MRC2: variants seen among roughly 807,000 people sequenced by gnomAD.
MRC2 encodes C-type mannose receptor 2.
MRC2 carries 84 observed loss-of-function variants against 206.2 expected under a neutral mutation model. That is an observed-to-expected ratio of 0.41 (90% CI 0.34 to 0.49). MRC2 has a LOEUF of 0.49. MRC2 is among the 20% of genes least tolerant of loss of function. The pLI, the probability that MRC2 is intolerant of heterozygous loss-of-function variation, is 0.31. For synonymous variants in MRC2, 798 were observed against 800.0 expected, an observed-to-expected ratio of 1.00 and a Z score of 0.04; for missense variants, 1,676 against 2,001.5, an observed-to-expected ratio of 0.84 and a Z score of 3.10.
chr17:62,656,924 C>T (rs2088625815), intron 1 of MRC2, among the ~76,000 whole-genome samples: 1 of 152,166 alleles, frequency 6.6e-6, no homozygotes, highest in Admixed American at 6.5e-5. Flanking sequence ...ATATTATCCC[C>T]TCATCGTAGG....
Position 62,674,235 on chromosome 17 carries a change from G to T in MRC2, c.1569+65G>T. 16 of 1,228,256 alleles carry T rather than the reference G, an allele frequency of 1.3e-5. No homozygotes were observed. The Admixed American group carries it at 1.5e-4, about 12-fold the overall frequency. 76.1% of individuals were successfully genotyped at this position (1,228,256 alleles called of 1,614,324 possible). On this transcript the variant is annotated intron_variant, in intron 9 of 29. Transcript: ENST00000303375. ...GTCAGAGGGGCTACCAGGGGAGGGA[G>T]AGGTGGATGAACTCCTGCTGCCTCG...
intron 1 of MRC2, among the ~76,000 whole-genome samples, chr17:62,646,689 A>T (rs1209460038): frequency 6.6e-6 from 1 of 152,134 alleles, no homozygotes; most frequent in Non-Finnish European, 1.5e-5. Context: ...TCGCAGAAGG[A>T]TCTTCTTTGG....
intron 10 of MRC2, 37 bp from the exon 11 acceptor site, chr17:62,676,346 A>T: frequency 6.2e-7 from 1 of 1,610,214 alleles, no homozygotes; most frequent in Non-Finnish European, 8.5e-7. Context: ...ATTGGGAAGC[A>T]GGGAGATCCC....
At chr17:62,673,775 G>T (rs1337139109) in intron 8 of MRC2, among the ~76,000 whole-genome samples, 1 of 152,176 alleles carries the variant, frequency 6.6e-6, no homozygotes, top group African/African-American at 2.4e-5. Context: ...CTCCCAAAAT[G>T]CTGGGATTAC....
At position 62,683,071 on chromosome 17, in the gene MRC2, CCTA is replaced by C. The variant is rs531643317; in HGVS notation, c.2946+697_2946+699del. ...TATGTATATGTGTGTGTAAATAAAA[CCTA>C]CTTCCATACTAATATGACTAATATT... On this transcript the variant is annotated intron_variant, in intron 20 of 29. Transcript: ENST00000303375. Among the ~76,000 whole-genome samples, 650 of 148,546 alleles carry C rather than the reference CCTA, an allele frequency of 4.4e-3. 6 individuals carry two copies. The highest frequency in any genetic ancestry group is 0.015 in the African/African-American group (620 of 41,336).
intron 1 of MRC2, among the ~76,000 whole-genome samples, chr17:62,651,550 C>A (rs915123921): frequency 3.3e-5 from 5 of 152,114 alleles, no homozygotes; most frequent in African/African-American, 7.2e-5. Context: ...AAGACCATTA[C>A]CAAGAAATTG....
intron 1 of MRC2, among the ~76,000 whole-genome samples, chr17:62,637,444 G>A (rs971040437): frequency 5.1e-4 from 78 of 151,784 alleles, no homozygotes; most frequent in African/African-American, 1.7e-3. Flanking sequence ...GCTGAGGCAG[G>A]AGAATCACTT....
chr17:62,668,875 G>C (rs897186095), intron 6 of MRC2, among the ~76,000 whole-genome samples: 1 of 152,162 alleles, frequency 6.6e-6, no homozygotes, highest in Non-Finnish European at 1.5e-5. Context: ...AAGCAGCTTA[G>C]TCTCTGGGGT....
In MRC2 at chr17:62,692,392, G is replaced by A. The variant is rs755132566; in HGVS notation, c.4381G>A (p.Glu1461Lys). Reference sequence around the variant, plus strand: ...CAGCCGCAGCAGCTCCAGCCCCACCGAGGCCACTGAGAAGAACATCCTGGT... The same window carrying A: ...CAGCCGCAGCAGCTCCAGCCCCACCAAGGCCACTGAGAAGAACATCCTGGT... ...RYSRSSSSPT[E>K]ATEKNILVSD... The change falls in exon 30 of 30, where the codon GAG (glutamate) becomes AAG (lysine). Residue 1461 changes from glutamate (E) to lysine (K), a missense_variant. This residue lies in a region of MRC2 where 1,354 missense variants were observed against 1,636.6 expected (regional missense o/e 0.83). Transcript: ENST00000303375. The surrounding 1 kb of genome is among the most constrained non-coding windows in gnomAD (Gnocchi z 4.2). 3.2e-6 allele frequency: 5 copies of A among 1,574,684 alleles called. No homozygotes were observed. The highest frequency in any genetic ancestry group is 2.3e-5 in the East Asian group (1 of 43,248).
chr17:62,666,590 C>T lies in MRC2; in HGVS notation c.830C>T (p.Thr277Met), dbSNP rs750134590. The change falls in exon 4 of 30, where the codon ACG (threonine) becomes ATG (methionine). Residue 277 changes from threonine (T) to methionine (M), a missense_variant. By Grantham distance (81) the Thr-to-Met change is moderately conservative (BLOSUM62 -1). This residue lies in a region of MRC2 where 1,354 missense variants were observed against 1,636.6 expected (regional missense o/e 0.83). Transcript: ENST00000303375. The surrounding 1 kb of genome is among the most constrained non-coding windows in gnomAD (Gnocchi z 5.0). ...EQQGADLLSITEIHEQTYING... is the reference protein window; with the variant it reads ...EQQGADLLSIMEIHEQTYING... Reference sequence around the variant, plus strand: ...CAGGGTGCGGATCTGCTGAGCATCACGGAGATCCACGAGCAGACCTACATC... The same window carrying T: ...CAGGGTGCGGATCTGCTGAGCATCATGGAGATCCACGAGCAGACCTACATC... 4.9e-5 allele frequency: 78 copies of T among 1,600,726 alleles called. No individual in the cohort carries two copies. The highest frequency in any genetic ancestry group is 6.3e-5 in the Non-Finnish European group (74 of 1,173,990).
chr17:62,669,111 C>T (rs1336632648), intron 6 of MRC2, among the ~76,000 whole-genome samples: 1 of 151,762 alleles, frequency 6.6e-6, no homozygotes, highest in Non-Finnish European at 1.5e-5. Context: ...CACACACACA[C>T]ACACACACAC....
intron 1 of MRC2, among the ~76,000 whole-genome samples, chr17:62,646,507 C>A (rs1034624882): frequency 6.6e-6 from 1 of 152,194 alleles, no homozygotes; most frequent in Non-Finnish European, 1.5e-5. Context: ...TACATCGTAG[C>A]ACACCAGACT....
chr17:62,650,706 G>C (rs747932226), intron 1 of MRC2, among the ~76,000 whole-genome samples: 3 of 152,212 alleles, frequency 2.0e-5, no homozygotes, highest in Non-Finnish European at 4.4e-5. Context: ...GGAACCCACT[G>C]TCTGGTGCCT....
chr17:62,650,628 A>G (rs1268268380), intron 1 of MRC2, among the ~76,000 whole-genome samples: 1 of 152,178 alleles, frequency 6.6e-6, no homozygotes, highest in African/African-American at 2.4e-5. Context: ...CAGTTTCCTC[A>G]TCTGTCAAGT....
In MRC2 at chr17:62,679,797, A is replaced by T; in HGVS notation, c.2196-3A>T. ...CCGTCCCCACTCCTGGGTTGTGCTG[A>T]AGTGAATCAGAACCCGAGATCCACG... On this transcript the variant is annotated splice_polypyrimidine_tract_variant and splice_region_variant and intron_variant, in intron 13 of 29. Transcript: ENST00000303375. 6.2e-7 allele frequency: 1 copy of T among 1,613,586 alleles called. No homozygotes were observed. Among genetic ancestry groups the T allele is most frequent in the Non-Finnish European group, 8.5e-7 (1 of 1,179,850 alleles).
chr17:62,681,002 G>A, intron 17 of MRC2, 42 bp downstream of exon 17: 1 of 1,611,700 alleles, frequency 6.2e-7, no homozygotes, highest in African/African-American at 1.3e-5. Flanking sequence ...CTGGGGGAGG[G>A]CAGGCCCGGG....
chr17:62,684,580 A>C (rs2147487496), intron 20 of MRC2, among the ~76,000 whole-genome samples: 1 of 152,236 alleles, frequency 6.6e-6, no homozygotes, highest in Middle Eastern at 3.4e-3. Flanking sequence ...ATTAGACCTG[A>C]TTAGTCCTTC....
Position 62,680,439 on chromosome 17 carries a change from A to T in MRC2, c.2459A>T (p.Asp820Val). The change falls in exon 16 of 30, where the codon GAC becomes GTC. Residue 820 changes from aspartate (D) to valine (V), a missense_variant. Asp to Val is a radical substitution (Grantham distance 152). Transcript: ENST00000303375. This position sits in a 1 kb window ranked among gnomAD's most constrained non-coding sequence, Gnocchi z 4.8. Reference sequence around the variant, plus strand: ...CTAGGTACGGACGTGCGGGAGCCCGACGACAGCCCTCAAGGTGAGCACCCC... The same window carrying T: ...CTAGGTACGGACGTGCGGGAGCCCGTCGACAGCCCTCAAGGTGAGCACCCC... Reference protein sequence around the residue: ...IPRGTDVREPDDSPQGRREWL... With the variant: ...IPRGTDVREPVDSPQGRREWL... 6.2e-7 allele frequency: 1 copy of T among 1,614,024 alleles called. No homozygotes were observed. The highest frequency in any genetic ancestry group is 8.5e-7 in the Non-Finnish European group (1 of 1,179,994).
In MRC2 at chr17:62,664,248, C is replaced by T. The variant is rs926572866; in HGVS notation, c.119-300C>T. Reference sequence around the variant, plus strand: ...TGCTGGGATTACAGGCGTGAGCCACCGCGCCCGGCCTGGGTTTGCTTTTGA... The same window carrying T: ...TGCTGGGATTACAGGCGTGAGCCACTGCGCCCGGCCTGGGTTTGCTTTTGA... On this transcript the variant is annotated intron_variant, in intron 1 of 29. Coordinates refer to ENST00000303375, the MANE Select transcript of MRC2 (RefSeq NM_006039.5). The surrounding 1 kb of genome is among the most constrained non-coding windows in gnomAD (Gnocchi z 4.7). Among the ~76,000 whole-genome samples the T allele has an allele frequency of 2.6e-5, 4 of 152,168 alleles. No individual in the cohort carries two copies. The highest frequency in any genetic ancestry group is 4.4e-5 in the Non-Finnish European group (3 of 68,028).
Sources: gnomAD v4.1 joint callset for allele counts (sites outside exome capture counted in the v4.1 genomes callset) on GRCh38, gnomAD v4.1.1 for gene constraint, gnomAD v4.1.1 regional missense constraint, Gnocchi (gnomAD v3.1) non-coding constraint, MANE v1.5 for transcripts, NCBI Gene and HGNC (gene_info 2026-07-23, HGNC 2026-07-21) for gene names.